The following MRPL18 variants were observed in gnomAD, a reference collection of about 807,000 sequenced individuals.
The protein encoded by MRPL18 is mitochondrial ribosomal protein L18.
In MRPL18, 16 loss-of-function variants were observed where a neutral mutation model predicts 20.9. That is an observed-to-expected ratio of 0.76 (90% CI 0.52 to 1.16). The LOEUF is 1.16. Ranked by LOEUF, MRPL18 falls within the 50% of genes most tolerant of loss-of-function variation. MRPL18 has a pLI of 0.00. For synonymous variants in MRPL18, 91 were observed against 87.1 expected (o/e 1.04, Z -0.25); for missense variants, 233 against 230.6 (o/e 1.01, Z -0.07).
intron 2 of MRPL18, among the ~76,000 whole-genome samples, chr6:159,796,106 C>T: frequency 7.1e-6 from 1 of 140,644 alleles, no homozygotes. Flanking sequence ...TGTTTCATTG[C>T]TTTTCTTTTG....
chr6:159,791,530 A>G (rs1215490691), intron 2 of MRPL18, among the ~76,000 whole-genome samples: 2 of 152,214 alleles, frequency 1.3e-5, no homozygotes, highest in Non-Finnish European at 2.9e-5. Context: ...GTAAGTCAAG[A>G]TGAGCACTTT....
At chr6:159,790,436 T>G, upstream of MRPL18, 1 of 898,326 alleles carries the variant, frequency 1.1e-6, no homozygotes, top group Non-Finnish European at 1.7e-6. Context: ...GCAGGGGACT[T>G]GCTACTTCCG....
chr6:159,795,168 A>AC (rs1415758522), intron 2 of MRPL18, among the ~76,000 whole-genome samples: 1 of 152,164 alleles, frequency 6.6e-6, no homozygotes, highest in Non-Finnish European at 1.5e-5. Context: ...CGGGTTTTAT[A>AC]CCGAGACAGT....
rs999419333 is a variant in MRPL18, at chr6:159,790,477, G to A, written c.-111G>A. The A allele has an allele frequency of 1.4e-6, 2 of 1,438,210 alleles. No individual in the cohort carries two copies. The highest frequency in any genetic ancestry group is 1.9e-6 in the Non-Finnish European group (2 of 1,033,636). The allele number at this position is 1,438,210 out of a possible 1,614,324, so 89.1% of individuals were successfully genotyped here. ...GTGGCGTCTGGCGTGGAGAGTTTGG[G>A]GATCTACAGCAGCCAAAGGCTTGTC... On this transcript the variant is annotated 5_prime_UTR_variant, in exon 1 of 4. Coordinates refer to ENST00000367034, the MANE Select transcript of MRPL18 (RefSeq NM_014161.5).
In MRPL18 at chr6:159,798,259, T is replaced by G. The variant is rs1461396688; in HGVS notation, c.*136T>G. 2 of 651,512 alleles carry G rather than the reference T, an allele frequency of 3.1e-6. No individual in the cohort carries two copies. The highest frequency in any genetic ancestry group is 5.1e-6 in the Non-Finnish European group (2 of 393,100). The allele number at this position is 651,512 out of a possible 1,614,324, so 40.4% of individuals were successfully genotyped here. ...GTTGCAGTGGAATATTATTTGTAGT[T>G]AAGGTCATCCTCCTCCCCTTTCTGT... On this transcript the variant is annotated 3_prime_UTR_variant, in exon 4 of 4. Transcript: ENST00000367034.
At chr6:159,797,996 G>T (rs1263414072) in intron 3 of MRPL18, 56 bp from the exon 4 acceptor site, 1 of 1,408,064 alleles carries the variant, frequency 7.1e-7, no homozygotes, top group Non-Finnish European at 1.0e-6. Flanking sequence ...AGTATTTTCA[G>T]CCTACTCGTG....
In MRPL18 at chr6:159,790,968, C is replaced by T; in HGVS notation, c.81C>T (p.Ser27=). ...GCAGGTTCGCAGCCCTGTCAACCAG[C>T]TCCGAGCCGGCAGCGAAACCTGAAG... ...PGCRFAALST[S]SEPAAKPEVD... is the part of the protein sequence containing the mutation. Residue 27 remains serine (S), a synonymous_variant, in exon 2 of 4, where the codon AGC becomes AGT. Transcript: ENST00000367034. The T allele has an allele frequency of 6.2e-7, 1 of 1,614,184 alleles. No homozygotes were observed. The highest frequency in any genetic ancestry group is 8.5e-7 in the Non-Finnish European group (1 of 1,180,036).
At chr6:159,795,954 T>A (rs1781019209) in intron 2 of MRPL18, among the ~76,000 whole-genome samples, 2 of 152,014 alleles carry the variant, frequency 1.3e-5, no homozygotes, top group Non-Finnish European at 2.9e-5. Flanking sequence ...TGGCTGATTT[T>A]TTCTATTTTT....
At chr6:159,797,795 T>C (rs552014593) in intron 3 of MRPL18, among the ~76,000 whole-genome samples, 1 of 152,360 alleles carries the variant, frequency 6.6e-6, no homozygotes, top group African/African-American at 2.4e-5. Context: ...TAGTCCATGA[T>C]GTCAGCCACT....
chr6:159,792,540 T>C (rs766216255), intron 2 of MRPL18, among the ~76,000 whole-genome samples: 8 of 152,306 alleles, frequency 5.3e-5, no homozygotes, highest in Non-Finnish European at 8.8e-5. Flanking sequence ...TTTTTACTCA[T>C]AGAGGAGGGA....
Position 159,798,305 on chromosome 6 carries a change from G to T in MRPL18, c.*182G>T. On this transcript the variant is annotated 3_prime_UTR_variant, in exon 4 of 4. Coordinates refer to ENST00000367034, the MANE Select transcript of MRPL18 (RefSeq NM_014161.5). ...TCTGTTTTTTTAAATCAAGAACTAC[G>T]TTCTGCCCCTCTCTTGGGCTTCAGA... 2.0e-6 allele frequency: 1 copy of T among 508,106 alleles called. No homozygotes were observed. Among genetic ancestry groups the T allele is most frequent in the Non-Finnish European group, 3.4e-6 (1 of 290,264 alleles). The allele number at this position is 508,106 out of a possible 1,614,324, so 31.5% of individuals were successfully genotyped here.
chr6:159,792,622 C>G (rs1562488987), intron 2 of MRPL18, among the ~76,000 whole-genome samples: 1 of 152,132 alleles, frequency 6.6e-6, no homozygotes, highest in Non-Finnish European at 1.5e-5. Context: ...TTTTGAAACA[C>G]CCAACCTATT....
chr6:159,797,273 C>G lies in MRPL18; in HGVS notation c.240-14C>G. 1 of 1,604,114 alleles carries G rather than the reference C, an allele frequency of 6.2e-7. No individual in the cohort carries two copies. The highest frequency in any genetic ancestry group is 8.5e-7 in the Non-Finnish European group (1 of 1,170,994). ...GATTCTTCTGTGATTTTATTATCTT[C>G]TCACCCCATTTAGGTTGCGAGTTAT... On this transcript the variant is annotated splice_polypyrimidine_tract_variant and intron_variant, in intron 2 of 3. Transcript: ENST00000367034.
intron 1 of MRPL18, 33 bp downstream of exon 1, chr6:159,790,672 C>G (rs375158622): frequency 3.7e-6 from 6 of 1,611,778 alleles, no homozygotes; most frequent in Admixed American, 3.3e-5. Context: ...TCCCAGCTCA[C>G]TCGCCTGGGC....
chr6:159,790,087 G>A (rs1271322543), upstream of MRPL18: 2 of 185,210 alleles, frequency 1.1e-5, no homozygotes, highest in Admixed American at 5.4e-5. Context: ...GAACCTGGGT[G>A]GGACGGGGCA....
chr6:159,797,462 G>A lies in MRPL18; in HGVS notation c.415G>A (p.Ala139Thr), dbSNP rs1781057563. ...AGTGCTGGCACAGAGATGCTTAGAG[G>A]CGGGAATCAACTTCATGGTCTACCA... is the stretch of plus-strand genomic sequence containing the variant. The part of the protein sequence containing the change: ...GRVLAQRCLE[A>T]GINFMVYQPT... The change falls in exon 3 of 4, where the codon GCG (alanine) becomes ACG (threonine). Residue 139 changes from alanine (A) to threonine (T), a missense_variant. Transcript: ENST00000367034. 1 of 1,614,202 alleles carries A rather than the reference G, an allele frequency of 6.2e-7. No homozygotes were observed. Among genetic ancestry groups the A allele is most frequent in the Non-Finnish European group, 8.5e-7 (1 of 1,180,028 alleles).
intron 2 of MRPL18, among the ~76,000 whole-genome samples, chr6:159,795,181 A>G (rs1211941800): frequency 6.6e-6 from 1 of 152,236 alleles, no homozygotes; most frequent in East Asian, 1.9e-4. Context: ...GAGACAGTGC[A>G]TTGCCCAGGG....
intron 2 of MRPL18, among the ~76,000 whole-genome samples, chr6:159,796,091 T>G (rs1301154564): frequency 4.6e-5 from 7 of 151,936 alleles, no homozygotes; most frequent in African/African-American, 1.7e-4. Flanking sequence ...GCCTAAAATA[T>G]TTTTTGTTTC....
chr6:159,790,941 G>A lies in MRPL18; in HGVS notation c.54G>A (p.Gly18=). Residue 18 remains glycine, a splice_region_variant and synonymous_variant, in exon 2 of 4, where the codon GGG becomes GGA. Transcript: ENST00000367034. ...WGLFSVCRNP[G]CRFAALSTSS... is the part of the protein sequence containing the mutation. ...TGTGCGGTTTTTCCCGTTGCCCAGG[G>A]TGCAGGTTCGCAGCCCTGTCAACCA... The A allele has an allele frequency of 2.5e-6, 4 of 1,614,094 alleles. No individual in the cohort carries two copies. The highest frequency in any genetic ancestry group is 2.2e-5 in the East Asian group (1 of 44,890).
Sources: gnomAD v4.1 joint callset for allele counts (sites outside exome capture counted in the v4.1 genomes callset) on GRCh38, gnomAD v4.1.1 for gene constraint, MANE v1.5 for transcripts, NCBI Gene and HGNC (gene_info 2026-07-23, HGNC 2026-07-21) for gene names.